TBC1D3B: variants seen among roughly 807,000 people sequenced by gnomAD.
The protein encoded by TBC1D3B is TBC1 domain family member 3B, also known as Rab GTPase-activating protein PRC17 duplicate.
In TBC1D3B, 2 loss-of-function variants were observed where a neutral mutation model predicts 27.1. That is an observed-to-expected ratio of 0.07 (90% CI 0.03 to 0.23). The LOEUF (loss-of-function observed/expected upper bound fraction) is 0.23, where lower values mean the gene tolerates loss of function less well. TBC1D3B is among the 10% of genes least tolerant of loss of function. TBC1D3B has a pLI of 1.00. For synonymous variants in TBC1D3B, 3 were observed against 150.1 expected, an observed-to-expected ratio of 0.02 and a Z score of 7.16; for missense variants, 17 against 401.3, an observed-to-expected ratio of 0.04 and a Z score of 8.18.
chr17:36,169,393 G>A (rs1398853050), intron 9 of TBC1D3B, among the ~76,000 whole-genome samples: 2 of 149,166 alleles, frequency 1.3e-5, no homozygotes, highest in African/African-American at 2.4e-5. Context: ...CTGGGCCAGG[G>A]TGCAAAAAGG....
intron 7 of TBC1D3B, among the ~76,000 whole-genome samples, chr17:36,171,216 G>A (rs1250439871): frequency 6.7e-6 from 1 of 150,180 alleles, no homozygotes; most frequent in Non-Finnish European, 1.5e-5. Flanking sequence ...TTGAAGGGAG[G>A]ACCAGCCTTG....
At chr17:36,169,444 G>A (rs1425494024) in intron 9 of TBC1D3B, among the ~76,000 whole-genome samples, 4 of 149,728 alleles carry the variant, frequency 2.7e-5, no homozygotes, top group African/African-American at 9.7e-5. Context: ...GGCCGGAACT[G>A]GGTGGGCGCT....
rs1220181430 is a variant in TBC1D3B at position 36,166,062 on chromosome 17, G to C, written c.1583C>G (p.Ala528Gly). 9.0e-7 allele frequency: 1 copy of C among 1,109,458 alleles called. No individual in the cohort carries two copies. 68.7% of individuals were successfully genotyped at this position (1,109,458 alleles called of 1,614,324 possible). ...GCAGAGGCAAGGCCCTGAGGTGGGAGCACACTGCTGTTCGTCCCTAGCTCT... is the reference window on the plus strand; with the variant it reads ...GCAGAGGCAAGGCCCTGAGGTGGGACCACACTGCTGTTCGTCCCTAGCTCT... Reference protein sequence around the residue: ...PFRARDEQQCAPTSGPCLCGL... With the variant: ...PFRARDEQQCGPTSGPCLCGL... The change falls in exon 14 of 14, where the codon GCT (alanine) becomes GGT (glycine). Residue 528 changes from alanine (A) to glycine (G), a missense_variant. Coordinates refer to ENST00000611257, the MANE Select transcript of TBC1D3B (RefSeq NM_001001417.7).
intron 7 of TBC1D3B, 91 bp downstream of exon 7, chr17:36,171,763 TC>T: frequency 1.6e-6 from 1 of 637,462 alleles, no homozygotes; most frequent in Admixed American, 2.5e-5. Context: ...GTGTCATCCC[TC>T]CTGGGTGACC....
intron 9 of TBC1D3B, among the ~76,000 whole-genome samples, chr17:36,169,508 G>A (rs1340225081): frequency 6.7e-6 from 1 of 149,836 alleles, no homozygotes; most frequent in Non-Finnish European, 1.5e-5. Context: ...ACAGGGGATG[G>A]GGAGATGCTG....
intron 9 of TBC1D3B, among the ~76,000 whole-genome samples, chr17:36,169,409 C>T (rs1472624099): frequency 6.7e-6 from 1 of 149,366 alleles, no homozygotes; most frequent in Admixed American, 6.7e-5. Context: ...AAAGGGCAAG[C>T]CTGACTTTCA....
Position 36,165,806 on chromosome 17 carries a change from G to C in TBC1D3B, c.*189C>G, listed in dbSNP as rs1239578204. On this transcript the variant is annotated 3_prime_UTR_variant, in exon 14 of 14. Coordinates refer to ENST00000611257, the MANE Select transcript of TBC1D3B (RefSeq NM_001001417.7). ...GATGGTCGTGGGGCTTGGGGTGCTG[G>C]GAGGGGCTGGGCATGGTTGGCTTTG... 11 of 953,932 alleles carry C rather than the reference G, an allele frequency of 1.2e-5. No individual in the cohort carries two copies. Among genetic ancestry groups the C allele is most frequent in the Non-Finnish European group, 1.7e-5 (11 of 631,008 alleles). The allele number at this position is 953,932 out of a possible 1,614,324, so 59.1% of individuals were successfully genotyped here. A position where few individuals can be genotyped will look rare whatever the true frequency, so the allele number is the denominator to read the frequency against.
chr17:36,167,050 C>G (rs1319015163), intron 13 of TBC1D3B, among the ~76,000 whole-genome samples: 9 of 105,136 alleles, frequency 8.6e-5, no homozygotes, highest in Non-Finnish European at 2.5e-4. Flanking sequence ...GCTCTGGGCC[C>G]GGGGTCCCGC....
intron 9 of TBC1D3B, among the ~76,000 whole-genome samples, chr17:36,169,448 G>A (rs1441540480): frequency 4.7e-5 from 7 of 149,806 alleles, no homozygotes; most frequent in Non-Finnish European, 1.1e-4. Context: ...GGAACTGGGT[G>A]GGCGCTGGGC....
chr17:36,175,652 G>A (rs2068412221), intron 1 of TBC1D3B, among the ~76,000 whole-genome samples: 2 of 98,168 alleles, frequency 2.0e-5, no homozygotes, highest in African/African-American at 6.7e-5. Flanking sequence ...TGGAAACCAC[G>A]TCTCTCGCGG....
At position 36,169,167 on chromosome 17, in the gene TBC1D3B, G is replaced by C; in HGVS notation, c.675C>G (p.His225Gln). ...CCTGGACGGTCCCGCCATTTGGGCTGTGAAATCCTGAGAAGCCCCCAGCCC... is the reference window on the plus strand; with the variant it reads ...CCTGGACGGTCCCGCCATTTGGGCTCTGAAATCCTGAGAAGCCCCCAGCCC... ...ASERHSLQGFHSPNGGTVQGL... is the reference protein window; with the variant it reads ...ASERHSLQGFQSPNGGTVQGL... The change falls in exon 10 of 14, where the codon CAC (histidine) becomes CAG (glutamine). Residue 225 changes from histidine to glutamine, a missense_variant. His to Gln is a conservative substitution (Grantham distance 24). Transcript: ENST00000611257. 1 of 1,603,974 alleles carries C rather than the reference G, an allele frequency of 6.2e-7. No individual in the cohort carries two copies. The highest frequency in any genetic ancestry group is 8.5e-7 in the Non-Finnish European group (1 of 1,173,044).
chr17:36,175,633 T>G (rs1316872076), intron 1 of TBC1D3B, among the ~76,000 whole-genome samples: 22 of 95,960 alleles, frequency 2.3e-4, no homozygotes, highest in African/African-American at 7.4e-4. Context: ...GGAAGATCTA[T>G]TGTACGCATG....
intron 7 of TBC1D3B, among the ~76,000 whole-genome samples, chr17:36,171,320 G>A (rs1277164809): frequency 3.8e-4 from 58 of 151,244 alleles, no homozygotes; most frequent in African/African-American, 1.4e-3. Context: ...GGTTTCATGT[G>A]GATGTCAGTT....
intron 7 of TBC1D3B, among the ~76,000 whole-genome samples, chr17:36,171,438 T>A (rs1203441407): frequency 2.0e-5 from 3 of 151,040 alleles, no homozygotes; most frequent in East Asian, 3.9e-4. Context: ...CTGTGCCATG[T>A]CATGTTCCCA....
chr17:36,167,883 G>GTGAGC (rs2068284536), intron 12 of TBC1D3B, among the ~76,000 whole-genome samples, 184 bp downstream of exon 12: 25,485 of 78,182 alleles, frequency 0.33, 2,088 homozygotes, highest in Non-Finnish European at 0.43. Context: ...CCACACTCTC[G>GTGAGC]ACTTTCATCT....
intron 9 of TBC1D3B, among the ~76,000 whole-genome samples, 195 bp downstream of exon 9, chr17:36,169,696 G>A (rs2068322551): frequency 9.7e-6 from 1 of 103,160 alleles, no homozygotes; most frequent in East Asian, 2.2e-4. Context: ...CTGCTGATGG[G>A]GATGACAGGC....
intron 7 of TBC1D3B, among the ~76,000 whole-genome samples, chr17:36,171,561 A>C (rs1291105038): frequency 7.3e-5 from 11 of 150,510 alleles, no homozygotes; most frequent in Non-Finnish European, 1.2e-4. Context: ...CGTGGGTCCT[A>C]CCATGGGTCC....
intron 10 of TBC1D3B, among the ~76,000 whole-genome samples, 163 bp downstream of exon 10, chr17:36,168,917 A>T (rs2068301348): frequency 8.2e-6 from 1 of 121,256 alleles, no homozygotes; most frequent in Admixed American, 7.8e-5. Context: ...CCAGGGCAGG[A>T]AAGGAAACCA....
chr17:36,171,357 G>C (rs1245808280), intron 7 of TBC1D3B, among the ~76,000 whole-genome samples: 6 of 151,068 alleles, frequency 4.0e-5, no homozygotes, highest in African/African-American at 1.4e-4. Context: ...CAATATCTGT[G>C]ACACTTTGGG....
Sources: gnomAD v4.1 joint callset for allele counts (sites outside exome capture counted in the v4.1 genomes callset) on GRCh38, gnomAD v4.1.1 for gene constraint, MANE v1.5 for transcripts, NCBI Gene and HGNC (gene_info 2026-07-23, HGNC 2026-07-21) for gene names.